Variants in TRIM23 observed in about 807,000 individuals in gnomAD.
TRIM23 encodes the protein E3 ubiquitin-protein ligase TRIM23.
In TRIM23, 27 loss-of-function variants were observed where a neutral mutation model predicts 71.0. The ratio of observed to expected loss-of-function variants is 0.38; its 90% CI spans 0.28 to 0.52. The LOEUF is 0.52. Among genes scored for constraint, TRIM23 ranks in the 20% least tolerant of loss-of-function variants. TRIM23 has a pLI of 0.84. For synonymous variants in TRIM23, 234 were observed against 238.0 expected (o/e 0.98, Z 0.16); for missense variants, 482 against 692.3 (o/e 0.70, Z 3.41).
intron 7 of TRIM23, among the ~76,000 whole-genome samples, chr5:65,599,592 AAATT>A (rs1484013281): frequency 2.0e-5 from 3 of 152,234 alleles, no homozygotes; most frequent in East Asian, 1.9e-4. Flanking sequence ...TTGCTAAAAT[AAATT>A]AAGACATAAA....
At chr5:65,596,366 C>A in intron 9 of TRIM23, 55 bp downstream of exon 9, 1 of 1,273,232 alleles carries the variant, frequency 7.9e-7, no homozygotes. Flanking sequence ...AATCAGTACA[C>A]TGAAAACTGT....
chr5:65,620,881 G>A (rs1198220724), intron 1 of TRIM23, among the ~76,000 whole-genome samples: 1 of 151,204 alleles, frequency 6.6e-6, no homozygotes, highest in African/African-American at 2.4e-5. Flanking sequence ...TTCAAGACCA[G>A]CCTGGGCAAC....
intron 7 of TRIM23, among the ~76,000 whole-genome samples, chr5:65,602,622 CT>C (rs1402719242): frequency 6.6e-6 from 1 of 152,118 alleles, no homozygotes; most frequent in African/African-American, 2.4e-5. Context: ...CATTTTCACG[CT>C]GCTGATAAGG....
chr5:65,609,824 A>T (rs1754606734), intron 5 of TRIM23, among the ~76,000 whole-genome samples: 1 of 152,218 alleles, frequency 6.6e-6, no homozygotes, highest in African/African-American at 2.4e-5. Context: ...TATAAATGAC[A>T]TCTCAAGCAA....
Position 65,617,011 on chromosome 5 carries a change from T to A in TRIM23, c.244+1082A>T, listed in dbSNP as rs115723571. 1.2e-3 allele frequency among the ~76,000 whole-genome samples: 189 copies of A among 152,294 alleles called. 2 individuals carry two copies. The highest frequency in any genetic ancestry group is 4.4e-3 in the African/African-American group (181 of 41,564). On this transcript the variant is annotated intron_variant, in intron 2 of 10. Transcript: ENST00000231524. ...TTCTGGATTACAGGTATGAGCCACC[T>A]CACCTGGCCTAAGTATAGTTTTATA...
chr5:65,611,708 C>T lies in TRIM23; in HGVS notation c.540G>A (p.Gln180=). The stretch of plus-strand genomic sequence containing the variant: ...CAAACTCAATGGCATGCACCTGGTG[C>T]TGAGAGCACATAGTTTTCTCATGAG... The part of the protein sequence containing the change: ...DKPHEKTMCS[Q]HQVHAIEFVC... Residue 180 remains glutamine, a synonymous_variant, in exon 4 of 11, where the codon CAG becomes CAA. Coordinates refer to ENST00000231524, the MANE Select transcript of TRIM23 (RefSeq NM_001656.4). The T allele has an allele frequency of 3.7e-6, 6 of 1,614,164 alleles. No homozygotes were observed. The highest frequency in any genetic ancestry group is 5.1e-6 in the Non-Finnish European group (6 of 1,180,040).
chr5:65,598,747 TCA>T (rs1491184741), intron 7 of TRIM23, among the ~76,000 whole-genome samples: 1 of 69,616 alleles, frequency 1.4e-5, no homozygotes, highest in African/African-American at 1.0e-4. Flanking sequence ...AAACTCCGCC[TCA>T]AAAAAAAAAA....
At chr5:65,603,815 G>T (rs1044106830) in intron 7 of TRIM23, among the ~76,000 whole-genome samples, 1 of 152,074 alleles carries the variant, frequency 6.6e-6, no homozygotes, top group African/African-American at 2.4e-5. Flanking sequence ...ATGAAACTTT[G>T]CTTGGATTGT....
At chr5:65,595,326 G>C (rs1332259513) in intron 9 of TRIM23, among the ~76,000 whole-genome samples, 2 of 152,072 alleles carry the variant, frequency 1.3e-5, no homozygotes, top group African/African-American at 4.8e-5. Context: ...GGGAGGCCAA[G>C]ACGGGCGGAT....
At chr5:65,615,205 T>C (rs1236782670) in intron 2 of TRIM23, among the ~76,000 whole-genome samples, 1 of 152,130 alleles carries the variant, frequency 6.6e-6, no homozygotes, top group Non-Finnish European at 1.5e-5. Flanking sequence ...CCCAGCCTAT[T>C]TCTCTATCAT....
At chr5:65,592,312 G>A (rs546066972) in intron 10 of TRIM23, among the ~76,000 whole-genome samples, 9 of 152,146 alleles carry the variant, frequency 5.9e-5, no homozygotes, top group Admixed American at 3.9e-4. Flanking sequence ...TGCAACTTCT[G>A]CCTCCTGGTT....
intron 1 of TRIM23, among the ~76,000 whole-genome samples, chr5:65,618,961 G>A (rs954222929): frequency 1.3e-4 from 20 of 152,130 alleles, no homozygotes; most frequent in African/African-American, 4.3e-4. Context: ...TGATTCTCAA[G>A]TCCATAAGTT....
In TRIM23 at chr5:65,618,170, CA is replaced by C; in HGVS notation, c.166del (p.Cys56ValfsTer23). 1 of 1,614,104 alleles carries C rather than the reference CA, an allele frequency of 6.2e-7. No homozygotes were observed. The highest frequency in any genetic ancestry group is 8.5e-7 in the Non-Finnish European group (1 of 1,179,992). ...PRLLLCGHTVCHDCLTRLPLH... is the reference protein window; with the variant it reads ...PRLLLCGHTVXHDCLTRLPLH... The stretch of plus-strand genomic sequence containing the variant: ...AGGTAGGCGAGTGAGACAGTCATGA[CA>C]GACGGTATGGCCACAAAGCAAAAGA... On this transcript the variant is annotated frameshift_variant, in exon 2 of 11. Transcript: ENST00000231524. LOFTEE classifies it high-confidence loss of function.
chr5:65,621,029 C>CA (rs970383774), intron 1 of TRIM23, among the ~76,000 whole-genome samples: 51 of 143,744 alleles, frequency 3.5e-4, no homozygotes, highest in East Asian at 1.2e-3. Flanking sequence ...GAACCTGCCT[C>CA]AAAAAAAAAA....
Position 65,624,302 on chromosome 5 carries a change from G to A in TRIM23, c.-28C>T, listed in dbSNP as rs200051715. On this transcript the variant is annotated 5_prime_UTR_variant, in exon 1 of 11. Transcript: ENST00000231524. ...TCGCAGGGGAAGCGCCACAGAAACA[G>A]CCTTCAGAGTCCTCAACTGAGAGGC... 2 of 1,612,160 alleles carry A rather than the reference G, an allele frequency of 1.2e-6. No individual in the cohort carries two copies. Among genetic ancestry groups the A allele is most frequent in the African/African-American group, 2.7e-5 (2 of 74,998 alleles).
At chr5:65,609,990 T>C (rs1292887174) in intron 5 of TRIM23, among the ~76,000 whole-genome samples, 1 of 152,208 alleles carries the variant, frequency 6.6e-6, no homozygotes, top group East Asian at 1.9e-4. Context: ...CAGCAAATTC[T>C]GCTGACTTCA....
chr5:65,596,538 TA>T lies in TRIM23; in HGVS notation c.1310-8del, dbSNP rs146970621. On this transcript the variant is annotated splice_polypyrimidine_tract_variant and splice_region_variant and intron_variant, in intron 8 of 10. Coordinates refer to ENST00000231524, the MANE Select transcript of TRIM23 (RefSeq NM_001656.4). ...ACAGTTTCCACGTTAAAACCTGTTT[TA>T]AAAAAAAAGTTACTTTTATACTATA... 1.6e-4 allele frequency: 245 copies of T among 1,534,988 alleles called. No individual in the cohort carries two copies. Among genetic ancestry groups the T allele is most frequent in the Middle Eastern group, 8.7e-4 (5 of 5,774 alleles).
intron 10 of TRIM23, among the ~76,000 whole-genome samples, chr5:65,592,179 T>G (rs1408647633): frequency 6.6e-6 from 1 of 152,168 alleles, no homozygotes; most frequent in South Asian, 2.1e-4. Context: ...AGCTTAACAA[T>G]GAAATCAATA....
intron 1 of TRIM23, among the ~76,000 whole-genome samples, chr5:65,623,859 T>A (rs990474360): frequency 6.6e-6 from 1 of 152,248 alleles, no homozygotes; most frequent in Admixed American, 6.5e-5. Context: ...ACGATGATGA[T>A]GACTCAATTT....
Sources: allele counts gnomAD v4.1 joint callset (sites outside exome capture counted in the v4.1 genomes callset), GRCh38; gene constraint gnomAD v4.1.1; transcripts MANE v1.5; gene names NCBI Gene and HGNC (gene_info 2026-07-23, HGNC 2026-07-21).